FTCDNL1: variants seen among roughly 807,000 people sequenced by gnomAD.
FTCDNL1 encodes the protein formiminotransferase cyclodeaminase N-terminal like, also known as formiminotransferase N-terminal subdomain-containing protein.
FTCDNL1 carries 11 observed loss-of-function variants against 5.9 expected under a neutral mutation model. The ratio of observed to expected loss-of-function variants is 1.87; its 90% CI spans 1.18 to 3.10. FTCDNL1 has a LOEUF of 3.10. Among genes scored for constraint, FTCDNL1 ranks in the 30% most tolerant of loss-of-function variants. FTCDNL1 has a pLI of 0.00. For synonymous variants in FTCDNL1, 58 were observed against 24.8 expected, an observed-to-expected ratio of 2.34 and a Z score of -3.99; for missense variants, 115 against 65.5, an observed-to-expected ratio of 1.76 and a Z score of -2.61.
chr2:199,835,878 G>A (rs1015906455), intron 3 of FTCDNL1, among the ~76,000 whole-genome samples: 9 of 152,112 alleles, frequency 5.9e-5, no homozygotes, highest in Non-Finnish European at 1.2e-4. Context: ...CCTCAACTTT[G>A]AGGCCCCCTG....
At chr2:199,813,912 CAAAAAAAAAAAAAAAAAA>C (rs397987315) in intron 4 of FTCDNL1, among the ~76,000 whole-genome samples, 1 of 106,380 alleles carries the variant, frequency 9.4e-6, no homozygotes. Context: ...GACTCTGTCT[CAAAAAAAAAAAAAAAAAA>C]AAAAAAAAAA....
At chr2:199,706,322 T>C in the FTCDNL1 span, among the ~76,000 whole-genome samples, 1 of 152,070 alleles carries the variant, frequency 6.6e-6, no homozygotes, top group Admixed American at 6.6e-5. Context: ...AGTAGGTAAA[T>C]TGGGTTCAAC....
intron 3 of FTCDNL1, among the ~76,000 whole-genome samples, chr2:199,793,274 A>G (rs935816108): frequency 9.2e-5 from 14 of 152,256 alleles, no homozygotes; most frequent in African/African-American, 3.4e-4. Flanking sequence ...AGCTGTGAAT[A>G]AAGGATAAAT....
intron 4 of FTCDNL1, 109 bp downstream of exon 4, chr2:199,819,463 G>A (rs543220513): frequency 2.4e-4 from 151 of 631,598 alleles, no homozygotes; most frequent in Non-Finnish European, 7.0e-5. Context: ...ATTTCAAGAA[G>A]CAGCCACCCC....
the FTCDNL1 span, among the ~76,000 whole-genome samples, chr2:199,664,155 A>T: frequency 6.6e-6 from 1 of 152,172 alleles, no homozygotes; most frequent in Admixed American, 6.5e-5. Flanking sequence ...ATCAATAAAG[A>T]TCGGTGATAT....
chr2:199,757,268 C>T (rs909447458), downstream of FTCDNL1, among the ~76,000 whole-genome samples: 1 of 152,066 alleles, frequency 6.6e-6, no homozygotes, highest in Non-Finnish European at 1.5e-5. Flanking sequence ...AGCAGTTTCT[C>T]TTTGCTATTT....
At chr2:199,795,027 A>G (rs1700105513) in intron 3 of FTCDNL1, among the ~76,000 whole-genome samples, 2 of 152,180 alleles carry the variant, frequency 1.3e-5, no homozygotes, top group African/African-American at 4.8e-5. Flanking sequence ...CCATCATTCA[A>G]AGCCATGTGG....
chr2:199,667,207 T>C, the FTCDNL1 span, among the ~76,000 whole-genome samples: 1 of 152,180 alleles, frequency 6.6e-6, no homozygotes, highest in Non-Finnish European at 1.5e-5. Flanking sequence ...TATAAAATAG[T>C]GAGTTGGTTT....
the FTCDNL1 span, among the ~76,000 whole-genome samples, chr2:199,667,653 TAAAA>T: frequency 1.3e-5 from 2 of 151,878 alleles, no homozygotes; most frequent in African/African-American, 2.4e-5. Context: ...CAAAACAAAA[TAAAA>T]ATAAATAAAT....
chr2:199,733,975 T>C, the FTCDNL1 span, among the ~76,000 whole-genome samples: 2 of 151,824 alleles, frequency 1.3e-5, no homozygotes, highest in South Asian at 4.1e-4. Context: ...CCACCAAAAA[T>C]AGTTTGAGAG....
At chr2:199,751,586 C>G in the FTCDNL1 span, among the ~76,000 whole-genome samples, 1 of 152,066 alleles carries the variant, frequency 6.6e-6, no homozygotes, top group African/African-American at 2.4e-5. Flanking sequence ...AGAGCACCCC[C>G]ACTCCTCAAA....
intron 3 of FTCDNL1, among the ~76,000 whole-genome samples, chr2:199,781,341 A>G (rs1046791189): frequency 2.0e-5 from 3 of 152,224 alleles, no homozygotes; most frequent in Admixed American, 2.0e-4. Flanking sequence ...GACAGGAGGT[A>G]TATGATGTAA....
At chr2:199,813,363 T>G (rs552734689) in intron 4 of FTCDNL1, among the ~76,000 whole-genome samples, 2 of 149,368 alleles carry the variant, frequency 1.3e-5, no homozygotes, top group African/African-American at 4.9e-5. Flanking sequence ...GAAAGGATTC[T>G]ATATATTTTA....
chr2:199,760,216 A>C (rs1698209732), downstream of FTCDNL1, among the ~76,000 whole-genome samples: 1 of 145,016 alleles, frequency 6.9e-6, no homozygotes, highest in Non-Finnish European at 1.5e-5. Context: ...TAAAAAAAAA[A>C]AAACAAAAAA....
intron 3 of FTCDNL1, among the ~76,000 whole-genome samples, chr2:199,764,549 A>G (rs1698421294): frequency 6.6e-6 from 1 of 152,334 alleles, no homozygotes; most frequent in South Asian, 2.1e-4. Context: ...TTCATAAAGT[A>G]CAGTGGTTAT....
At chr2:199,721,363 A>G in the FTCDNL1 span, among the ~76,000 whole-genome samples, 1 of 152,152 alleles carries the variant, frequency 6.6e-6, no homozygotes, top group African/African-American at 2.4e-5. Flanking sequence ...GGTTGAGAAC[A>G]TGCAGTGTTC....
chr2:199,676,815 T>C, the FTCDNL1 span, among the ~76,000 whole-genome samples: 1 of 152,160 alleles, frequency 6.6e-6, no homozygotes, highest in Non-Finnish European at 1.5e-5. Context: ...TAAGTTGTTA[T>C]GTTGTTATGT....
intron 3 of FTCDNL1, among the ~76,000 whole-genome samples, chr2:199,788,113 C>T (rs1441807212): frequency 2.0e-5 from 3 of 152,252 alleles, no homozygotes; most frequent in African/African-American, 7.2e-5. Context: ...AGAAAAAGAA[C>T]ATAAACAATA....
chr2:199,842,583 C>A (rs543061860), intron 3 of FTCDNL1, among the ~76,000 whole-genome samples: 2 of 152,344 alleles, frequency 1.3e-5, no homozygotes, highest in South Asian at 4.1e-4. Flanking sequence ...TATAAATCCT[C>A]TGAATACCAA....
Sources: allele counts gnomAD v4.1 joint callset (sites outside exome capture counted in the v4.1 genomes callset), GRCh38; gene constraint gnomAD v4.1.1; transcripts MANE v1.5; gene names NCBI Gene and HGNC (gene_info 2026-07-23, HGNC 2026-07-21).